Variants in CACNA2D3 observed in about 807,000 individuals in gnomAD.
CACNA2D3 encodes the protein voltage-dependent calcium channel subunit alpha-2/delta-3.
Under a neutral mutation model 160.6 loss-of-function variants are expected in CACNA2D3, and 60 were observed. The observed-to-expected ratio is 0.37, with a 90% confidence interval of 0.30 to 0.46. The LOEUF is 0.46. Ranked by LOEUF, CACNA2D3 falls within the 20% of genes least tolerant of loss-of-function variation. CACNA2D3 has a pLI of 1.00. For missense variants in CACNA2D3, 1,205 were observed against 1,365.0 expected, an observed-to-expected ratio of 0.88 and a Z score of 1.85; for synonymous variants, 558 against 492.9, an observed-to-expected ratio of 1.13 and a Z score of -1.75.
At chr3:54,799,463 A>G (rs979559025) in intron 13 of CACNA2D3, among the ~76,000 whole-genome samples, 2 of 151,788 alleles carry the variant, frequency 1.3e-5, no homozygotes, top group Non-Finnish European at 2.9e-5. Context: ...TCTGTTTGTC[A>G]TTCTTGGGGG....
chr3:54,955,724 A>G lies in CACNA2D3; in HGVS notation c.2450-12726A>G, dbSNP rs147705808. Among the ~76,000 whole-genome samples the G allele has an allele frequency of 4.6e-3, 699 of 152,236 alleles. 6 individuals are homozygous for G. The highest frequency in any genetic ancestry group is 0.016 in the African/African-American group (666 of 41,570). On this transcript the variant is annotated intron_variant, in intron 27 of 37. Transcript: ENST00000474759. ...TGGCTCTCCCCTGAGGCCTCTGTCT[A>G]CCGAGGGGGCTTTTTTGGGTATTGG...
At position 54,722,480 on chromosome 3, in the gene CACNA2D3, A is replaced by G. The variant is rs576598158; in HGVS notation, c.1168-30119A>G. ...GTTAGGAGTTGTGATCCTTTGGAGG[A>G]GAAGAGGCCTTCTGGTTTTTGGAAT... On this transcript the variant is annotated intron_variant, in intron 11 of 37. Coordinates refer to ENST00000474759, the MANE Select transcript of CACNA2D3 (RefSeq NM_018398.3). Among the ~76,000 whole-genome samples the G allele has an allele frequency of 1.4e-4, 21 of 152,126 alleles. 1 individual carries two copies. In the South Asian group the frequency reaches 4.4e-3, roughly 32 times the overall value.
chr3:54,222,397 G>C (rs1701592148), intron 2 of CACNA2D3, among the ~76,000 whole-genome samples: 1 of 152,188 alleles, frequency 6.6e-6, no homozygotes, highest in East Asian at 1.9e-4. Context: ...ATAAACCAAT[G>C]TCCCAGCTCA....
intron 3 of CACNA2D3, among the ~76,000 whole-genome samples, chr3:54,383,306 C>A (rs187917944): frequency 1.3e-5 from 2 of 152,288 alleles, no homozygotes; most frequent in African/African-American, 4.8e-5. Flanking sequence ...TACACAGCAG[C>A]TGAGCCTGTT....
At chr3:54,613,063 G>A (rs935830409) in intron 9 of CACNA2D3, among the ~76,000 whole-genome samples, 1 of 152,220 alleles carries the variant, frequency 6.6e-6, no homozygotes, top group African/African-American at 2.4e-5. Context: ...TCATGAGACT[G>A]TCTCCACTAA....
chr3:54,290,374 G>A (rs199779711), intron 2 of CACNA2D3, among the ~76,000 whole-genome samples: 432 of 152,200 alleles, frequency 2.8e-3, no homozygotes, highest in East Asian at 0.014. Flanking sequence ...ATCTCACACC[G>A]GTTAGAATGG....
intron 5 of CACNA2D3, among the ~76,000 whole-genome samples, chr3:54,513,968 C>A (rs761987616): frequency 4.6e-5 from 7 of 152,186 alleles, no homozygotes; most frequent in African/African-American, 9.6e-5. Context: ...CCACCGCACC[C>A]AGCCGTCATG....
chr3:54,738,265 C>T (rs966545968), intron 11 of CACNA2D3, among the ~76,000 whole-genome samples: 1 of 152,190 alleles, frequency 6.6e-6, no homozygotes, highest in African/African-American at 2.4e-5. Flanking sequence ...TCTGGCTTCT[C>T]TCTTCAGTGT....
At chr3:54,545,398 T>G (rs1702045171) in intron 5 of CACNA2D3, among the ~76,000 whole-genome samples, 1 of 152,230 alleles carries the variant, frequency 6.6e-6, no homozygotes, top group Admixed American at 6.5e-5. Flanking sequence ...TGTTCCACTC[T>G]TGGTGTACTT....
chr3:54,876,756 G>T (rs1034462779), intron 18 of CACNA2D3, among the ~76,000 whole-genome samples: 9 of 152,178 alleles, frequency 5.9e-5, no homozygotes, highest in African/African-American at 2.2e-4. Context: ...AGTTTGAGGG[G>T]TTTAAAATCT....
chr3:54,970,126 A>G (rs536524840), intron 29 of CACNA2D3, among the ~76,000 whole-genome samples: 12 of 152,180 alleles, frequency 7.9e-5, no homozygotes, highest in African/African-American at 2.9e-4. Flanking sequence ...CCTAACTCCT[A>G]CTGTTTGAAG....
At chr3:54,165,518 G>A (rs1483328702) in intron 2 of CACNA2D3, among the ~76,000 whole-genome samples, 1 of 151,692 alleles carries the variant, frequency 6.6e-6, no homozygotes, top group African/African-American at 2.4e-5. Flanking sequence ...GAGGAAGGAA[G>A]GGGTTTCTAA....
chr3:54,370,941 T>C (rs1236385844), intron 3 of CACNA2D3, among the ~76,000 whole-genome samples: 1 of 152,196 alleles, frequency 6.6e-6, no homozygotes, highest in Non-Finnish European at 1.5e-5. Context: ...GGATTTGCCT[T>C]TTTTGGACAT....
intron 11 of CACNA2D3, among the ~76,000 whole-genome samples, chr3:54,734,419 C>G (rs528726140): frequency 6.6e-6 from 1 of 152,274 alleles, no homozygotes; most frequent in South Asian, 2.1e-4. Context: ...CTCAGGACTA[C>G]TGCAACTTCC....
intron 35 of CACNA2D3, among the ~76,000 whole-genome samples, chr3:55,020,200 A>G (rs1703416345): frequency 1.3e-5 from 2 of 151,320 alleles, no homozygotes; most frequent in Non-Finnish European, 2.9e-5. Context: ...ATATACATAT[A>G]AAATACTTCT....
chr3:54,641,314 A>G (rs1357722382), intron 10 of CACNA2D3, among the ~76,000 whole-genome samples: 3 of 152,258 alleles, frequency 2.0e-5, no homozygotes, highest in Non-Finnish European at 4.4e-5. Context: ...GGATTCAAAG[A>G]TTTCTGACTG....
intron 17 of CACNA2D3, among the ~76,000 whole-genome samples, chr3:54,847,259 A>G (rs1025373350): frequency 1.4e-4 from 21 of 152,352 alleles, no homozygotes; most frequent in Middle Eastern, 3.4e-3. Flanking sequence ...GTACTTAGCT[A>G]ATTTTTAAAG....
intron 13 of CACNA2D3, among the ~76,000 whole-genome samples, chr3:54,780,253 A>G (rs1318078211): frequency 6.6e-6 from 1 of 152,244 alleles, no homozygotes; most frequent in Non-Finnish European, 1.5e-5. Context: ...GTCTGAAGCA[A>G]CTGACTTTTA....
At chr3:54,161,475 T>G (rs947043873) in intron 2 of CACNA2D3, among the ~76,000 whole-genome samples, 2 of 152,218 alleles carry the variant, frequency 1.3e-5, no homozygotes, top group South Asian at 4.1e-4. Flanking sequence ...GAATTGTGAG[T>G]GTCTTTAGCG....
Sources: allele counts gnomAD v4.1 joint callset (sites outside exome capture counted in the v4.1 genomes callset), GRCh38; gene constraint gnomAD v4.1.1; transcripts MANE v1.5; gene names NCBI Gene and HGNC (gene_info 2026-07-23, HGNC 2026-07-21).